The following MME variants were observed in gnomAD, a reference collection of about 807,000 sequenced individuals.
MME encodes neprilysin.
A neutral mutation model predicts 113.2 loss-of-function variants in MME; 98 were observed. The observed-to-expected ratio is 0.87, with a 90% CI of 0.74 to 1.02. MME has a LOEUF of 1.02. MME is among the 50% of genes least tolerant of loss of function. MME has a pLI of 0.00. For missense variants in MME, 836 were observed against 896.0 expected (o/e 0.93, Z 0.86); for synonymous variants, 292 against 300.6 (o/e 0.97, Z 0.30).
chr3:155,142,230 T>C lies in MME; in HGVS notation c.1095-7T>C, dbSNP rs765168253. 14 of 1,613,444 alleles carry C rather than the reference T, an allele frequency of 8.7e-6. No homozygotes were observed. The highest frequency in any genetic ancestry group is 6.7e-5 in the East Asian group (3 of 44,860). ...TCTGTTGCTGGGCGGTGGTTTTTTT[T>C]ATACAGAGATCTTCAAAATTTAATG... On this transcript the variant is annotated splice_region_variant and splice_polypyrimidine_tract_variant and intron_variant, in intron 11 of 22. Coordinates refer to ENST00000360490, the MANE Select transcript of MME (RefSeq NM_007289.4).
rs1712979771 is a variant in MME, at chr3:155,180,451, G to T, written c.2245G>T (p.Val749Phe). The change falls in exon 23 of 23, where the codon GTT becomes TTT. Residue 749 changes from valine (V) to phenylalanine (F), a missense_variant. Physicochemically the swap from Val to Phe is conservative, Grantham distance 50 (BLOSUM62 -1). Transcript: ENST00000360490. ...CATGAATCCAGAAAAGAAGTGCCGG[G>T]TTTGGTGATCTTCAAAAGAAGCATT... ...SYMNPEKKCRVW is the reference protein window; with the variant it reads ...SYMNPEKKCRFW 6.2e-7 allele frequency: 1 copy of T among 1,612,826 alleles called. No homozygotes were observed. The highest frequency in any genetic ancestry group is 8.5e-7 in the Non-Finnish European group (1 of 1,178,972).
At chr3:155,173,759 C>T (rs1712224651) in intron 22 of MME, among the ~76,000 whole-genome samples, 1 of 151,648 alleles carries the variant, frequency 6.6e-6, no homozygotes, top group South Asian at 2.1e-4. Flanking sequence ...GGATTAATTC[C>T]CATTGTGGTT....
intron 1 of MME, among the ~76,000 whole-genome samples, chr3:155,033,078 A>G (rs1713024991): frequency 6.6e-6 from 1 of 152,222 alleles, no homozygotes; most frequent in Non-Finnish European, 1.5e-5. Context: ...AAGTTAATCT[A>G]TAAAAAAGAC....
chr3:155,124,332 G>C (rs1425404801), intron 8 of MME, among the ~76,000 whole-genome samples: 2 of 151,766 alleles, frequency 1.3e-5, no homozygotes, highest in East Asian at 2.0e-4. Flanking sequence ...AAATTTTTTT[G>C]AAAGTTTTCA....
chr3:155,133,646 C>CAT (rs761284044), intron 8 of MME, among the ~76,000 whole-genome samples: 10 of 88,748 alleles, frequency 1.1e-4, no homozygotes, highest in Non-Finnish European at 1.7e-4. Context: ...ATATACACAC[C>CAT]ATATATATAC....
At chr3:155,143,948 A>G (rs760902539) in intron 13 of MME, among the ~76,000 whole-genome samples, 1 of 152,180 alleles carries the variant, frequency 6.6e-6, no homozygotes, top group Non-Finnish European at 1.5e-5. Context: ...AGTATAAGAA[A>G]TGTGCTTTAT....
chr3:155,173,989 T>C (rs2108378501), intron 22 of MME, among the ~76,000 whole-genome samples: 1 of 152,174 alleles, frequency 6.6e-6, no homozygotes, highest in East Asian at 1.9e-4. Context: ...ATGAAGAGCC[T>C]ATTTTGTGTG....
At chr3:155,029,676 A>ATATTT (rs1222008890) in intron 1 of MME, among the ~76,000 whole-genome samples, 1 of 152,106 alleles carries the variant, frequency 6.6e-6, no homozygotes, top group East Asian at 1.9e-4. Flanking sequence ...TGTATGAATT[A>ATATTT]TATTTAATAC....
At chr3:155,103,088 G>T (rs879480250) in intron 3 of MME, among the ~76,000 whole-genome samples, 1 of 151,992 alleles carries the variant, frequency 6.6e-6, no homozygotes, top group Admixed American at 6.6e-5. Flanking sequence ...CATTCCCAGA[G>T]CATCCTATAC....
Position 155,168,595 on chromosome 3 carries a change from C to A in MME, c.1884C>A (p.Asn628Lys). Residue 628 changes from asparagine to lysine, a missense_variant, in exon 19 of 23, where the codon AAC (asparagine) becomes AAA (lysine). Asn to Lys is a moderately conservative substitution (Grantham distance 94). Transcript: ENST00000360490. ...AGTGCATGGTGTATCAGTATGGAAA[C>A]TTTTCCTGGGACCTGGCAGGTGGAC... Reference protein sequence around the residue: ...QSQCMVYQYGNFSWDLAGGQH... With the variant: ...QSQCMVYQYGKFSWDLAGGQH... 6.2e-7 allele frequency: 1 copy of A among 1,613,834 alleles called. No individual in the cohort carries two copies. Among genetic ancestry groups the A allele is most frequent in the Non-Finnish European group, 8.5e-7 (1 of 1,179,836 alleles).
chr3:155,126,143 T>A (rs1719632143), intron 8 of MME, among the ~76,000 whole-genome samples: 1 of 152,128 alleles, frequency 6.6e-6, no homozygotes, highest in Non-Finnish European at 1.5e-5. Flanking sequence ...GATATTTGAG[T>A]TCAGTACAAT....
At chr3:155,086,452 A>AT (rs1186692334) in intron 3 of MME, among the ~76,000 whole-genome samples, 1 of 152,208 alleles carries the variant, frequency 6.6e-6, no homozygotes, top group Admixed American at 6.5e-5. Context: ...CCTTGGAAGT[A>AT]TTTGAGTTCT....
intron 10 of MME, among the ~76,000 whole-genome samples, chr3:155,141,038 T>C (rs749948534): frequency 2.6e-5 from 4 of 152,188 alleles, no homozygotes; most frequent in Non-Finnish European, 5.9e-5. Context: ...CAATAATCTC[T>C]TTTTGTGGCT....
intron 17 of MME, among the ~76,000 whole-genome samples, chr3:155,165,795 T>C (rs1329872804): frequency 1.3e-5 from 2 of 152,170 alleles, no homozygotes; most frequent in Admixed American, 1.3e-4. Context: ...TGTAAAAGAC[T>C]GTAAAAGAAA....
At chr3:155,167,055 G>A (rs1196798017) in intron 18 of MME, 34 bp downstream of exon 18, 2 of 1,612,048 alleles carry the variant, frequency 1.2e-6, no homozygotes. Flanking sequence ...TTTGGCTGAG[G>A]TATATGCTCA....
chr3:155,136,276 G>T (rs1720629113), intron 8 of MME, among the ~76,000 whole-genome samples: 1 of 152,096 alleles, frequency 6.6e-6, no homozygotes, highest in African/African-American at 2.4e-5. Flanking sequence ...GTTGGCTGTG[G>T]GTTTGTTATG....
At chr3:155,160,344 C>G in intron 16 of MME, 46 bp from the exon 17 acceptor site, 1 of 1,239,856 alleles carries the variant, frequency 8.1e-7, no homozygotes, top group Non-Finnish European at 1.2e-6. Flanking sequence ...TGGGTTGAAT[C>G]AGATAATGCA....
chr3:155,041,803 C>T (rs115155712), intron 1 of MME, among the ~76,000 whole-genome samples: 1 of 152,044 alleles, frequency 6.6e-6, no homozygotes, highest in African/African-American at 2.4e-5. Flanking sequence ...AAGATGAAAA[C>T]TTTAAATTCT....
At chr3:155,124,151 C>G (rs1330704195) in intron 8 of MME, among the ~76,000 whole-genome samples, 1 of 150,298 alleles carries the variant, frequency 6.7e-6, no homozygotes, top group African/African-American at 2.4e-5. Context: ...CTTCCCTTCT[C>G]GCTTCATTTC....
Sources: gnomAD v4.1 joint callset for allele counts (sites outside exome capture counted in the v4.1 genomes callset) on GRCh38, gnomAD v4.1.1 for gene constraint, MANE v1.5 for transcripts, NCBI Gene and HGNC (gene_info 2026-07-23, HGNC 2026-07-21) for gene names.